The following SAMD3 variants were observed in gnomAD, a reference collection of about 807,000 sequenced individuals.
SAMD3 encodes sterile alpha motif domain-containing protein 3.
A neutral mutation model predicts 58.5 loss-of-function variants in SAMD3; 63 were observed. The observed-to-expected ratio is 1.08, with a 90% CI of 0.88 to 1.33. The LOEUF (loss-of-function observed/expected upper bound fraction) is 1.33. Among genes scored for constraint, SAMD3 ranks in the 40% most tolerant of loss-of-function variants. SAMD3 has a pLI of 0.00. For synonymous variants in SAMD3, 220 were observed against 210.3 expected, an observed-to-expected ratio of 1.05 and a Z score of -0.40; for missense variants, 604 against 608.4, an observed-to-expected ratio of 0.99 and a Z score of 0.08.
intron 2 of SAMD3, among the ~76,000 whole-genome samples, chr6:130,288,663 T>C (rs1441612557): frequency 6.6e-6 from 1 of 152,236 alleles, no homozygotes; most frequent in Non-Finnish European, 1.5e-5. Context: ...GATGTTTAGG[T>C]AACTCCAAAT....
chr6:130,172,478 T>C (rs1395330487), intron 8 of SAMD3, among the ~76,000 whole-genome samples: 1 of 152,228 alleles, frequency 6.6e-6, no homozygotes, highest in Non-Finnish European at 1.5e-5. Context: ...TTAGTTTGGC[T>C]GGATATGAAA....
At chr6:130,270,443 C>G (rs1025387189) in intron 2 of SAMD3, among the ~76,000 whole-genome samples, 1 of 152,182 alleles carries the variant, frequency 6.6e-6, no homozygotes, top group Non-Finnish European at 1.5e-5. Context: ...TGTAGGTTAG[C>G]TCCATATCTT....
At chr6:130,277,587 A>G (rs568096467) in intron 2 of SAMD3, among the ~76,000 whole-genome samples, 83 of 152,234 alleles carry the variant, frequency 5.5e-4, no homozygotes, top group African/African-American at 1.7e-3. Flanking sequence ...TGTTGCTTAT[A>G]TAACTCCTGT....
chr6:130,358,369 A>G (rs1327549962), intron 1 of SAMD3, among the ~76,000 whole-genome samples: 2 of 152,220 alleles, frequency 1.3e-5, no homozygotes, highest in Admixed American at 1.3e-4. Context: ...TAAGGATTCC[A>G]AAAATCTTGC....
chr6:130,352,442 T>C (rs1215474457), intron 1 of SAMD3, among the ~76,000 whole-genome samples: 1 of 152,080 alleles, frequency 6.6e-6, no homozygotes, highest in African/African-American at 2.4e-5. Flanking sequence ...TTACTATCAA[T>C]AAAATATCAC....
chr6:130,184,775 C>A, intron 5 of SAMD3, 152 bp from the exon 6 acceptor site: 1 of 601,224 alleles, frequency 1.7e-6, no homozygotes, highest in Non-Finnish European at 2.9e-6. Context: ...ATTCATCCAT[C>A]CACAAATGTT....
At chr6:130,153,619 G>T (rs1789416502) in intron 9 of SAMD3, among the ~76,000 whole-genome samples, 1 of 131,270 alleles carries the variant, frequency 7.6e-6, no homozygotes, top group Non-Finnish European at 1.7e-5. Flanking sequence ...AAATGGAAGG[G>T]TATTTGATTG....
At chr6:130,181,562 A>C (rs1005763504) in intron 7 of SAMD3, among the ~76,000 whole-genome samples, 4 of 152,230 alleles carry the variant, frequency 2.6e-5, no homozygotes, top group Non-Finnish European at 5.9e-5. Context: ...GATGTGGATA[A>C]AATGGACACA....
chr6:130,184,401 T>A (rs1022315604), intron 6 of SAMD3, 37 bp downstream of exon 6: 1 of 1,595,280 alleles, frequency 6.3e-7, no homozygotes. Flanking sequence ...AAACAGACCC[T>A]TTCCCAAAGC....
At chr6:130,337,796 G>A (rs1438395265) in intron 1 of SAMD3, among the ~76,000 whole-genome samples, 2 of 152,214 alleles carry the variant, frequency 1.3e-5, no homozygotes, top group Admixed American at 6.5e-5. Context: ...GAGATCTGTG[G>A]AACTTTGAAC....
At chr6:130,193,106 C>A (rs1338282494) in intron 5 of SAMD3, among the ~76,000 whole-genome samples, 1 of 152,164 alleles carries the variant, frequency 6.6e-6, no homozygotes, top group African/African-American at 2.4e-5. Context: ...ATTATTCACC[C>A]ACATTTCAGA....
intron 2 of SAMD3, among the ~76,000 whole-genome samples, chr6:130,291,556 C>A (rs1374819887): frequency 6.6e-6 from 1 of 152,196 alleles, no homozygotes; most frequent in Non-Finnish European, 1.5e-5. Context: ...TTATTAATAT[C>A]ATGTGAAGTT....
chr6:130,270,429 A>G (rs548941694), intron 2 of SAMD3, among the ~76,000 whole-genome samples: 2 of 152,324 alleles, frequency 1.3e-5, no homozygotes, highest in African/African-American at 4.8e-5. Flanking sequence ...CTATGACTCA[A>G]ACATGTAGGT....
At chr6:130,350,753 C>G (rs995181545) in intron 1 of SAMD3, among the ~76,000 whole-genome samples, 2 of 152,102 alleles carry the variant, frequency 1.3e-5, no homozygotes, top group African/African-American at 4.8e-5. Context: ...AAAAAGAGCC[C>G]ACATTGCCAA....
chr6:130,194,709 T>C (rs927756121), intron 5 of SAMD3, among the ~76,000 whole-genome samples: 2 of 152,162 alleles, frequency 1.3e-5, no homozygotes, highest in South Asian at 2.1e-4. Flanking sequence ...CCACTGGAAA[T>C]TGGACTGTTC....
chr6:130,354,509 T>TCA (rs1178933706), intron 1 of SAMD3, among the ~76,000 whole-genome samples: 22 of 152,170 alleles, frequency 1.4e-4, no homozygotes, highest in African/African-American at 4.6e-4. Context: ...AAGAAAGAGA[T>TCA]CACATCCTTT....
At chr6:130,214,594 A>G in intron 3 of SAMD3, 68 bp from the exon 4 acceptor site, 5 of 1,112,584 alleles carry the variant, frequency 4.5e-6, no homozygotes, top group Non-Finnish European at 6.2e-6. Context: ...CTGAAGAGGC[A>G]AAATTACCTC....
At chr6:130,259,962 A>G (rs1774065571) in intron 2 of SAMD3, among the ~76,000 whole-genome samples, 2 of 152,226 alleles carry the variant, frequency 1.3e-5, no homozygotes, top group Admixed American at 6.5e-5. Flanking sequence ...TATCTACCAC[A>G]GTCAAGATAA....
intron 5 of SAMD3, among the ~76,000 whole-genome samples, chr6:130,186,330 A>G (rs1316638554): frequency 6.6e-6 from 1 of 152,184 alleles, no homozygotes; most frequent in African/African-American, 2.4e-5. Flanking sequence ...AGAATGCACG[A>G]GCTATAATGT....
Sources: allele counts gnomAD v4.1 joint callset (sites outside exome capture counted in the v4.1 genomes callset), GRCh38; gene constraint gnomAD v4.1.1; transcripts MANE v1.5; gene names NCBI Gene and HGNC (gene_info 2026-07-23, HGNC 2026-07-21).